Variants in CRLF3 observed in about 807,000 individuals in gnomAD.
CRLF3 encodes cytokine receptor like factor 3, also known as cytokine receptor-like factor 3.
Under a neutral mutation model 55.0 loss-of-function variants are expected in CRLF3, and 33 were observed. That is an observed-to-expected ratio of 0.60 (90% confidence interval 0.46 to 0.80). The LOEUF is 0.80. Among genes scored for constraint, CRLF3 ranks in the 30% least tolerant of loss-of-function variants. CRLF3 has a pLI of 0.00. For synonymous variants in CRLF3, 238 were observed against 196.8 expected (o/e 1.21, Z -1.75); for missense variants, 494 against 538.4 (o/e 0.92, Z 0.82).
rs182201580 is a variant in CRLF3, at chr17:30,785,899, G to A, written c.1072+20C>T. 51 of 1,202,800 alleles carry A rather than the reference G, an allele frequency of 4.2e-5. No homozygotes were observed. The Middle Eastern group carries it at 1.1e-3, about 27-fold the overall frequency. The allele number at this position is 1,202,800 out of a possible 1,614,324, so 74.5% of individuals were successfully genotyped here. On this transcript the variant is annotated intron_variant, in intron 7 of 7. Transcript: ENST00000324238. Reference sequence around the variant, plus strand: ...ATAATTAATATATTTCCAAGAGAATGACAGTTATTTATCTCTTACCATTTG... The same window carrying A: ...ATAATTAATATATTTCCAAGAGAATAACAGTTATTTATCTCTTACCATTTG...
intron 4 of CRLF3, among the ~76,000 whole-genome samples, chr17:30,794,409 G>C (rs962516315): frequency 2.0e-5 from 3 of 152,024 alleles, no homozygotes; most frequent in Non-Finnish European, 4.4e-5. Context: ...ATAAATAAGC[G>C]TTCTACAGGA....
At position 30,803,892 on chromosome 17, in the gene CRLF3, G is replaced by C; in HGVS notation, c.337+9C>G. The stretch of plus-strand genomic sequence containing the variant: ...ATGCACTAATACAACAGGCTCCCTG[G>C]TCCCCCACCTTCTCGGACTAAGTCC... On this transcript the variant is annotated intron_variant, in intron 2 of 7. Transcript: ENST00000324238. The C allele has an allele frequency of 4.4e-6, 7 of 1,602,218 alleles. No homozygotes were observed. The highest frequency in any genetic ancestry group is 6.0e-6 in the Non-Finnish European group (7 of 1,171,054).
intron 6 of CRLF3, among the ~76,000 whole-genome samples, chr17:30,790,009 T>C (rs966727564): frequency 6.6e-6 from 1 of 151,870 alleles, no homozygotes; most frequent in Non-Finnish European, 1.5e-5. Flanking sequence ...TTTTTTCCTC[T>C]CTCTCTCTTT....
At chr17:30,784,788 C>G in intron 7 of CRLF3, 1 of 208,816 alleles carries the variant, frequency 4.8e-6, no homozygotes, top group Non-Finnish European at 9.7e-6. Context: ...GACAGAGTTT[C>G]ACTCTTGTTG....
At chr17:30,793,371 C>CA (rs1971854360) in intron 5 of CRLF3, 79 bp downstream of exon 5, 3 of 1,044,996 alleles carry the variant, frequency 2.9e-6, no homozygotes, top group South Asian at 2.8e-5. Flanking sequence ...AGCTGGTTGT[C>CA]AGTGTGCTGC....
intron 1 of CRLF3, among the ~76,000 whole-genome samples, chr17:30,807,417 C>T (rs1597926948): frequency 6.7e-6 from 1 of 150,082 alleles, no homozygotes; most frequent in African/African-American, 2.5e-5. Flanking sequence ...GCAATGTTCA[C>T]GACCATGTAA....
At chr17:30,791,832 AAG>A (rs1347820090) in intron 6 of CRLF3, among the ~76,000 whole-genome samples, 4 of 150,434 alleles carry the variant, frequency 2.7e-5, no homozygotes, top group South Asian at 4.2e-4. Flanking sequence ...CTAAATTTTT[AAG>A]ATTTACTTTT....
At chr17:30,821,214 C>T (rs1235548678) in intron 1 of CRLF3, among the ~76,000 whole-genome samples, 2 of 151,684 alleles carry the variant, frequency 1.3e-5, no homozygotes, top group African/African-American at 4.8e-5. Context: ...ATGGCACGTG[C>T]CTGTAGTCCC....
intron 6 of CRLF3, among the ~76,000 whole-genome samples, chr17:30,791,272 T>C (rs1171221084): frequency 3.3e-5 from 5 of 151,944 alleles, no homozygotes; most frequent in Admixed American, 1.3e-4. Flanking sequence ...GGTTTCACCA[T>C]GTTGGCCAGG....
At chr17:30,822,079 A>G (rs1905016277) in intron 1 of CRLF3, among the ~76,000 whole-genome samples, 1 of 151,532 alleles carries the variant, frequency 6.6e-6, no homozygotes, top group African/African-American at 2.4e-5. Context: ...AAAAAAAAAA[A>G]AAGAAAAGAA....
chr17:30,787,211 G>T (rs1061346), intron 6 of CRLF3, among the ~76,000 whole-genome samples: 1 of 152,102 alleles, frequency 6.6e-6, no homozygotes, highest in South Asian at 2.1e-4. Flanking sequence ...ACACATAGAA[G>T]GTTTGTCATA....
At chr17:30,789,102 A>C (rs1188673044) in intron 6 of CRLF3, among the ~76,000 whole-genome samples, 1 of 152,150 alleles carries the variant, frequency 6.6e-6, no homozygotes, top group Non-Finnish European at 1.5e-5. Context: ...CAAGGGGAGA[A>C]AACATTTCAT....
At chr17:30,807,330 A>G (rs949172151) in intron 1 of CRLF3, among the ~76,000 whole-genome samples, 3 of 152,036 alleles carry the variant, frequency 2.0e-5, no homozygotes, top group Non-Finnish European at 4.4e-5. Flanking sequence ...AACAGTTAAT[A>G]TAGAGATTTA....
intron 1 of CRLF3, among the ~76,000 whole-genome samples, chr17:30,810,433 GT>G (rs1329933639): frequency 1.3e-5 from 2 of 152,032 alleles, no homozygotes; most frequent in Non-Finnish European, 2.9e-5. Flanking sequence ...AAGCGTAGTG[GT>G]GCACGCCTGT....
At chr17:30,787,131 G>C (rs532027417) in intron 6 of CRLF3, among the ~76,000 whole-genome samples, 1 of 152,106 alleles carries the variant, frequency 6.6e-6, no homozygotes, top group East Asian at 1.9e-4. Flanking sequence ...CACCGTGCCC[G>C]GCCTAGAATC....
intron 6 of CRLF3, chr17:30,791,053 G>A (rs1240256166): frequency 1.3e-5 from 2 of 152,144 alleles, no homozygotes; most frequent in African/African-American, 4.8e-5. Context: ...TGAGTGGCTG[G>A]GATTATAGGT....
chr17:30,810,313 A>G (rs1904572559), intron 1 of CRLF3, among the ~76,000 whole-genome samples: 2 of 152,252 alleles, frequency 1.3e-5, no homozygotes, highest in South Asian at 2.1e-4. Context: ...TAATCCCAGC[A>G]CTTTGGGAGG....
chr17:30,813,574 G>C (rs1049645935), intron 1 of CRLF3, among the ~76,000 whole-genome samples: 1 of 151,830 alleles, frequency 6.6e-6, no homozygotes, highest in African/African-American at 2.4e-5. Context: ...CATTAATTAA[G>C]AATCTCCTAT....
chr17:30,807,264 T>C (rs1211099241), intron 1 of CRLF3, among the ~76,000 whole-genome samples: 4 of 152,014 alleles, frequency 2.6e-5, no homozygotes, highest in Admixed American at 2.6e-4. Flanking sequence ...GTTTAAAGTA[T>C]AAGAAAAATC....
Sources: gnomAD v4.1 joint callset for allele counts (sites outside exome capture counted in the v4.1 genomes callset) on GRCh38, gnomAD v4.1.1 for gene constraint, MANE v1.5 for transcripts, NCBI Gene and HGNC (gene_info 2026-07-23, HGNC 2026-07-21) for gene names.